KIFC3: variants seen among roughly 807,000 people sequenced by gnomAD.
KIFC3 encodes kinesin-like protein KIFC3.
Under a neutral mutation model 101.8 loss-of-function variants are expected in KIFC3, and 60 were observed. The observed-to-expected ratio is 0.59, with a 90% CI of 0.48 to 0.73. KIFC3 has a LOEUF of 0.73. KIFC3 is among the 30% of genes least tolerant of loss of function. KIFC3 has a pLI of 0.00. For missense variants in KIFC3, 966 were observed against 1,137.1 expected, an observed-to-expected ratio of 0.85 and a Z score of 2.16; for synonymous variants, 476 against 482.7, an observed-to-expected ratio of 0.99 and a Z score of 0.18.
intron 3 of KIFC3, among the ~76,000 whole-genome samples, chr16:57,784,709 G>T (rs1555616632): frequency 6.6e-6 from 1 of 152,190 alleles, no homozygotes; most frequent in African/African-American, 2.4e-5. Context: ...AGACCTTGGG[G>T]AAGTGGGCGA....
intron 1 of KIFC3, among the ~76,000 whole-genome samples, chr16:57,841,597 G>T (rs2055810978): frequency 6.6e-6 from 1 of 152,140 alleles, no homozygotes; most frequent in South Asian, 2.1e-4. Context: ...AAGCCGGGAG[G>T]TGGAGGTTGC....
chr16:57,774,689 ATT>A (rs34004359), intron 3 of KIFC3: 8,427 of 293,578 alleles, frequency 0.029, no homozygotes, highest in Middle Eastern at 0.064. Flanking sequence ...CGCCCGGCTA[ATT>A]TTTTTTTTTT....
chr16:57,860,022 A>AAAAAAT (rs2056260237), intron 1 of KIFC3, among the ~76,000 whole-genome samples: 7 of 86,890 alleles, frequency 8.1e-5, no homozygotes, highest in Non-Finnish European at 1.5e-4. Context: ...ACTCTGTCTC[A>AAAAAAT]AAAATAAAAT....
intron 3 of KIFC3, among the ~76,000 whole-genome samples, chr16:57,780,638 GT>G (rs2052613747): frequency 7.2e-6 from 1 of 138,766 alleles, no homozygotes; most frequent in Non-Finnish European, 1.6e-5. Flanking sequence ...GCAAGATCTA[GT>G]TTTCCAGCCT....
chr16:57,837,752 G>A (rs186868318), intron 1 of KIFC3, among the ~76,000 whole-genome samples: 112 of 152,276 alleles, frequency 7.4e-4, no homozygotes, highest in African/African-American at 2.6e-3. Flanking sequence ...GGTTGGTACT[G>A]CTCCTAGACA....
chr16:57,815,720 C>T, intron 1 of KIFC3: 2 of 1,183,170 alleles, frequency 1.7e-6, no homozygotes, highest in South Asian at 1.3e-5. Context: ...CTGTCTACTC[C>T]CTCAACTCCA....
At chr16:57,778,205 AG>A (rs1439488643) in intron 3 of KIFC3, among the ~76,000 whole-genome samples, 1 of 152,200 alleles carries the variant, frequency 6.6e-6, no homozygotes, top group Non-Finnish European at 1.5e-5. Context: ...ACTTGAGCCC[AG>A]GAGGCCAAGG....
rs892292942 is a variant in KIFC3 at position 57,759,301 on chromosome 16, G to C, written c.2477-148C>G. ...AACAGGGGCTGGAGCCCTGGGTCCC[G>C]GTCCTGTGGCGGGGCTCACTCCTCA... On this transcript the variant is annotated intron_variant, in intron 18 of 19. Transcript: ENST00000445690. The C allele has an allele frequency of 4.2e-6, 4 of 962,890 alleles. No individual in the cohort carries two copies. The South Asian group carries it at 4.8e-5, about 12-fold the overall frequency. 59.6% of individuals were successfully genotyped at this position (962,890 alleles called of 1,614,324 possible).
chr16:57,759,872 G>T, intron 17 of KIFC3, 36 bp from the exon 18 acceptor site: 1 of 1,489,630 alleles, frequency 6.7e-7, no homozygotes, highest in Non-Finnish European at 9.2e-7. Flanking sequence ...CGGGGGCCAC[G>T]GCTGCCCTGG....
intron 1 of KIFC3, among the ~76,000 whole-genome samples, chr16:57,820,780 A>G (rs550565396): frequency 1.3e-5 from 2 of 152,340 alleles, no homozygotes; most frequent in South Asian, 2.1e-4. Context: ...GTGCTTCCAC[A>G]TAGGTCTTCA....
chr16:57,790,556 A>C (rs116808731), intron 3 of KIFC3, among the ~76,000 whole-genome samples: 1,613 of 152,278 alleles, frequency 0.011, 29 homozygotes, highest in African/African-American at 0.036. Flanking sequence ...CCGTGTGTGA[A>C]GCCTGGCTCT....
At position 57,810,756 on chromosome 16, in the gene KIFC3, T is replaced by C. The variant is rs1291073331; in HGVS notation, c.109-12474A>G. The C allele has an allele frequency of 3.4e-6, 3 of 880,042 alleles. No individual in the cohort carries two copies. The African/African-American group carries it at 5.5e-5, about 16-fold the overall frequency. 54.5% of individuals were successfully genotyped at this position (880,042 alleles called of 1,614,324 possible). ...CTTTACACACAGGATTGCCTTTGCT[T>C]TCATTCAATCCCCGCAACAACATGT... On this transcript the variant is annotated intron_variant, in intron 1 of 2. Transcript: ENST00000563028.
At chr16:57,768,051 T>G (rs2050686983) in intron 9 of KIFC3, among the ~76,000 whole-genome samples, 1 of 152,094 alleles carries the variant, frequency 6.6e-6, no homozygotes, top group South Asian at 2.1e-4. Context: ...AGGGGCTGGG[T>G]GCAGTGGCTC....
chr16:57,848,495 G>A (rs1434688141), intron 1 of KIFC3, among the ~76,000 whole-genome samples: 1 of 152,154 alleles, frequency 6.6e-6, no homozygotes, highest in African/African-American at 2.4e-5. Flanking sequence ...GGGCGTTGTG[G>A]TGCATGCCTG....
intron 3 of KIFC3, chr16:57,775,536 G>A: frequency 2.0e-6 from 2 of 986,614 alleles, no homozygotes; most frequent in African/African-American, 3.5e-5. Context: ...GGAGGCACCT[G>A]GGGAAAGCGG....
rs551231104 is a variant in KIFC3 at position 57,808,374 on chromosome 16, C to G, written c.109-10092G>C. Among the ~76,000 whole-genome samples the G allele has an allele frequency of 1.2e-3, 184 of 152,132 alleles. 1 individual carries two copies. Among genetic ancestry groups the G allele is most frequent in the African/African-American group, 4.4e-3 (182 of 41,504 alleles). On this transcript the variant is annotated intron_variant, in intron 1 of 2. Coordinates refer to the KIFC3 transcript ENST00000563028. ...CCTCCCACCATCCTCCAGAAGCCGC[C>G]GGGCTCCTCCTTGCTAAGTGTTCTG...
intron 1 of KIFC3, among the ~76,000 whole-genome samples, chr16:57,833,154 C>T (rs912190318): frequency 9.2e-5 from 14 of 151,498 alleles, no homozygotes; most frequent in African/African-American, 3.2e-4. Context: ...TGCAGTGAGC[C>T]GAGATCACAC....
At chr16:57,860,028 A>AAAATAAAAT (rs2056262331) in intron 1 of KIFC3, among the ~76,000 whole-genome samples, 1 of 55,726 alleles carries the variant, frequency 1.8e-5, no homozygotes, top group South Asian at 5.5e-4. Context: ...TCTCAAAAAT[A>AAAATAAAAT]AAATAAAATA....
rs1240266473 is a variant in KIFC3, at chr16:57,769,537, G to A, written c.1218+58C>T. 24 of 1,555,086 alleles carry A rather than the reference G, an allele frequency of 1.5e-5. No individual in the cohort carries two copies. In the East Asian group the frequency reaches 2.0e-4, roughly 13 times the overall value. On this transcript the variant is annotated intron_variant, in intron 9 of 19. Transcript: ENST00000445690. The surrounding 1 kb of genome is among the most constrained non-coding windows in gnomAD (Gnocchi z 4.3). ...TGGAGGGACGCCCTGAGTGGATGTCGTGCCTCTCCCAGTGCACCCCCTTAG... is the reference window on the plus strand; with the variant it reads ...TGGAGGGACGCCCTGAGTGGATGTCATGCCTCTCCCAGTGCACCCCCTTAG...
Sources: gnomAD v4.1 joint callset for allele counts (sites outside exome capture counted in the v4.1 genomes callset) on GRCh38, gnomAD v4.1.1 for gene constraint, Gnocchi (gnomAD v3.1) non-coding constraint, MANE v1.5 for transcripts, NCBI Gene and HGNC (gene_info 2026-07-23, HGNC 2026-07-21) for gene names.